CALN1: variants seen among roughly 807,000 people sequenced by gnomAD.
CALN1 encodes calneuron 1, also known as calcium-binding protein 8.
A neutral mutation model predicts 30.6 loss-of-function variants in CALN1; 17 were observed. That is an observed-to-expected ratio of 0.56 (90% CI 0.38 to 0.83). The LOEUF is 0.83. Ranked by LOEUF, CALN1 falls within the 40% of genes least tolerant of loss-of-function variation. The pLI is 0.00. For missense variants in CALN1, 291 were observed against 354.9 expected, an observed-to-expected ratio of 0.82 and a Z score of 1.45; for synonymous variants, 156 against 131.4, an observed-to-expected ratio of 1.19 and a Z score of -1.28.
chr7:72,365,846 G>A (rs761607081), intron 2 of CALN1, among the ~76,000 whole-genome samples: 1 of 152,218 alleles, frequency 6.6e-6, no homozygotes, highest in South Asian at 2.1e-4. Context: ...GTGTGAGTGA[G>A]AGTATATGAA....
At chr7:72,147,483 C>G (rs980955237) in intron 3 of CALN1, among the ~76,000 whole-genome samples, 1 of 96,606 alleles carries the variant, frequency 1.0e-5, no homozygotes, top group Non-Finnish European at 2.5e-5. Flanking sequence ...TTGGAGAGGA[C>G]TGTTACACTG....
intron 3 of CALN1, among the ~76,000 whole-genome samples, chr7:72,265,957 G>A (rs997297661): frequency 6.6e-6 from 1 of 151,902 alleles, no homozygotes; most frequent in Non-Finnish European, 1.5e-5. Flanking sequence ...AACACAGTGA[G>A]GCCCTATCTC....
intron 5 of CALN1, among the ~76,000 whole-genome samples, chr7:71,971,386 G>A (rs1797789114): frequency 1.3e-5 from 2 of 152,314 alleles, no homozygotes; most frequent in South Asian, 2.1e-4. Context: ...GGAGGCAGAG[G>A]TTGAAGTGAG....
intron 2 of CALN1, among the ~76,000 whole-genome samples, chr7:72,351,767 C>T (rs1287108142): frequency 2.0e-5 from 3 of 151,938 alleles, no homozygotes; most frequent in Non-Finnish European, 2.9e-5. Context: ...AAGGGAAAAA[C>T]GAACAAAGAA....
At chr7:72,032,529 C>G (rs773274670) in intron 4 of CALN1, among the ~76,000 whole-genome samples, 20 of 152,256 alleles carry the variant, frequency 1.3e-4, no homozygotes, top group Non-Finnish European at 2.5e-4. Context: ...ACTGCCTTCC[C>G]TTGATATCAG....
At chr7:72,206,549 C>CT (rs959987474) in intron 3 of CALN1, among the ~76,000 whole-genome samples, 30 of 152,072 alleles carry the variant, frequency 2.0e-4, no homozygotes, top group Admixed American at 3.3e-4. Flanking sequence ...ACAAGCTTAT[C>CT]TTTTTTTGTA....
At chr7:71,867,339 A>G (rs1791646552) in intron 5 of CALN1, among the ~76,000 whole-genome samples, 1 of 152,180 alleles carries the variant, frequency 6.6e-6, no homozygotes, top group African/African-American at 2.4e-5. Context: ...TAGGGGAATG[A>G]CAGGAACATC....
intron 3 of CALN1, among the ~76,000 whole-genome samples, chr7:72,119,879 T>C (rs1808256615): frequency 6.6e-6 from 1 of 152,186 alleles, no homozygotes; most frequent in African/African-American, 2.4e-5. Flanking sequence ...AAATTCAAGA[T>C]GAGATTTGGG....
chr7:71,953,206 C>T (rs1386302296), intron 5 of CALN1, among the ~76,000 whole-genome samples: 2 of 152,180 alleles, frequency 1.3e-5, no homozygotes, highest in African/African-American at 4.8e-5. Context: ...AAGCCTTCCA[C>T]TTTGGCCTCC....
chr7:72,403,506 T>C, intron 1 of CALN1, 64 bp from the exon 2 acceptor site: 1 of 613,316 alleles, frequency 1.6e-6, no homozygotes, highest in Non-Finnish European at 2.7e-6. Flanking sequence ...TCTCAAAGCC[T>C]GCCGCCTAAA....
At chr7:71,806,030 GA>G (rs1396656927) in intron 6 of CALN1, among the ~76,000 whole-genome samples, 13 of 152,172 alleles carry the variant, frequency 8.5e-5, no homozygotes, top group African/African-American at 3.1e-4. Context: ...AGCGGGAGCT[GA>G]ACAATGAGAA....
intron 2 of CALN1, among the ~76,000 whole-genome samples, chr7:72,330,197 G>A (rs1260323224): frequency 6.6e-6 from 1 of 152,044 alleles, no homozygotes; most frequent in Non-Finnish European, 1.5e-5. Flanking sequence ...GGATGCTGAG[G>A]CAGGAGAATT....
chr7:72,088,947 A>C (rs1805670512), intron 4 of CALN1, among the ~76,000 whole-genome samples: 1 of 152,126 alleles, frequency 6.6e-6, no homozygotes. Context: ...AAATAAAATG[A>C]AATTTGGGAA....
At chr7:72,344,510 GCTTT>G (rs1350039243) in intron 2 of CALN1, among the ~76,000 whole-genome samples, 1 of 149,540 alleles carries the variant, frequency 6.7e-6, no homozygotes, top group Non-Finnish European at 1.5e-5. Flanking sequence ...TAATTCCAAT[GCTTT>G]CTGTTAACTA....
chr7:72,339,525 G>A (rs1446663335), intron 2 of CALN1, among the ~76,000 whole-genome samples: 2 of 152,194 alleles, frequency 1.3e-5, no homozygotes, highest in African/African-American at 4.8e-5. Flanking sequence ...TGATAAGCAA[G>A]AAGGTAATTT....
rs1792771222 is a variant in CALN1, at chr7:71,782,486, A to G, written c.*5289T>C. 6.6e-6 allele frequency: 1 copy of G among 152,254 alleles called. No individual in the cohort carries two copies. Among genetic ancestry groups the G allele is most frequent in the Non-Finnish European group, 1.5e-5 (1 of 68,084 alleles). 9.4% of individuals were successfully genotyped at this position (152,254 alleles called of 1,614,324 possible). ...CGAGCCAAATAAACCTCTTTTCTTT[A>G]TAAATTACCCAGTGTTAAGGTATTC... On this transcript the variant is annotated 3_prime_UTR_variant, in exon 7 of 7. Coordinates refer to ENST00000395275, the MANE Select transcript of CALN1 (RefSeq NM_031468.4).
At chr7:72,372,816 T>A (rs1804324703) in intron 2 of CALN1, among the ~76,000 whole-genome samples, 1 of 152,084 alleles carries the variant, frequency 6.6e-6, no homozygotes. Context: ...CTGAATCACG[T>A]AACAAAATAC....
intron 5 of CALN1, among the ~76,000 whole-genome samples, chr7:71,858,486 T>C (rs2116642422): frequency 6.7e-6 from 1 of 148,796 alleles, no homozygotes; most frequent in South Asian, 2.1e-4. Context: ...CTATACAAGA[T>C]AGCTACAAAG....
chr7:72,107,963 G>T (rs748703083), intron 3 of CALN1, among the ~76,000 whole-genome samples: 1 of 152,110 alleles, frequency 6.6e-6, no homozygotes, highest in Non-Finnish European at 1.5e-5. Flanking sequence ...CTGAATATCT[G>T]ACCATGCCCT....
Sources: gnomAD v4.1 joint callset for allele counts (sites outside exome capture counted in the v4.1 genomes callset) on GRCh38, gnomAD v4.1.1 for gene constraint, MANE v1.5 for transcripts, NCBI Gene and HGNC (gene_info 2026-07-23, HGNC 2026-07-21) for gene names.